ZNF717: variants seen among roughly 807,000 people sequenced by gnomAD.
The protein encoded by ZNF717 is zinc finger protein 717.
In ZNF717, 9 loss-of-function variants were observed where a neutral mutation model predicts 13.8. The ratio of observed to expected loss-of-function variants is 0.65; its 90% CI spans 0.39 to 1.14. The LOEUF is 1.14. Among genes scored for constraint, ZNF717 ranks in the 50% most tolerant of loss-of-function variants. The pLI, the probability that ZNF717 is intolerant of heterozygous loss-of-function variation, is 0.01. For synonymous variants in ZNF717, 327 were observed against 364.1 expected (o/e 0.90, Z 1.16); for missense variants, 1,040 against 1,080.7 (o/e 0.96, Z 0.53).
intron 2 of ZNF717, among the ~76,000 whole-genome samples, chr3:75,781,609 C>T (rs976686543): frequency 5.6e-4 from 86 of 152,266 alleles, no homozygotes; most frequent in African/African-American, 2.0e-3. Context: ...CTGAGAAAAC[C>T]GGACAAACTC....
At chr3:75,778,743 C>T (rs1294208715) in intron 2 of ZNF717, among the ~76,000 whole-genome samples, 2 of 148,768 alleles carry the variant, frequency 1.3e-5, no homozygotes, top group Admixed American at 6.7e-5. Flanking sequence ...GTGCAAAACC[C>T]GTAAACCAAA....
At chr3:75,724,235 A>G (rs1213516454) in intron 4 of ZNF717, among the ~76,000 whole-genome samples, 6 of 151,614 alleles carry the variant, frequency 4.0e-5, no homozygotes, top group South Asian at 2.1e-4. Flanking sequence ...CTGGGCCACT[A>G]CTAGTCTCCA....
chr3:75,777,638 G>C (rs1380900225), intron 2 of ZNF717, among the ~76,000 whole-genome samples: 3 of 151,740 alleles, frequency 2.0e-5, no homozygotes, highest in African/African-American at 7.3e-5. Context: ...CAAAAAAATG[G>C]GAGTGATATG....
chr3:75,746,313 G>A (rs1163395520), intron 2 of ZNF717, among the ~76,000 whole-genome samples: 1 of 152,118 alleles, frequency 6.6e-6, no homozygotes, highest in East Asian at 1.9e-4. Context: ...CCAAGTCTTT[G>A]CTATTGTGAG....
At chr3:75,706,107 A>G (rs1381719112), downstream of ZNF717, among the ~76,000 whole-genome samples, 4 of 152,302 alleles carry the variant, frequency 2.6e-5, no homozygotes, top group African/African-American at 9.6e-5. Flanking sequence ...GAGAGAAAAA[A>G]TTACAATCAT....
At chr3:75,694,955 CAAAT>C (rs1284422583) in intron 6 of ZNF717, among the ~76,000 whole-genome samples, 1 of 151,932 alleles carries the variant, frequency 6.6e-6, no homozygotes, top group Non-Finnish European at 1.5e-5. Context: ...AATCAGAAAA[CAAAT>C]AACAAAATGG....
At chr3:75,759,454 T>G (rs1488454956) in intron 2 of ZNF717, among the ~76,000 whole-genome samples, 1 of 152,132 alleles carries the variant, frequency 6.6e-6, no homozygotes, top group African/African-American at 2.4e-5. Context: ...TTTTTCTATT[T>G]TTAGTAGATA....
chr3:75,739,536 A>C (rs1340466006), intron 4 of ZNF717, among the ~76,000 whole-genome samples, 191 bp from the exon 5 acceptor site: 1 of 152,186 alleles, frequency 6.6e-6, no homozygotes, highest in Non-Finnish European at 1.5e-5. Context: ...ATATTTTCTA[A>C]TGTTCAATTG....
chr3:75,716,764 TTTGGG>T (rs1161260839), intron 4 of ZNF717, among the ~76,000 whole-genome samples: 3 of 152,140 alleles, frequency 2.0e-5, no homozygotes, highest in Non-Finnish European at 2.9e-5. Flanking sequence ...TCTGTGGGCT[TTTGGG>T]TTAAAGGACC....
At chr3:75,744,086 A>G (rs1177413616) in intron 2 of ZNF717, among the ~76,000 whole-genome samples, 2 of 152,384 alleles carry the variant, frequency 1.3e-5, no homozygotes, top group African/African-American at 4.8e-5. Flanking sequence ...AAACACTAAC[A>G]TTTACACAGG....
At chr3:75,764,319 C>A (rs191969902) in intron 2 of ZNF717, among the ~76,000 whole-genome samples, 273 of 152,308 alleles carry the variant, frequency 1.8e-3, no homozygotes, top group African/African-American at 5.9e-3. Context: ...TTTTTCCCAG[C>A]AGTTCCCAGG....
At chr3:75,766,649 T>C (rs945883565) in intron 2 of ZNF717, among the ~76,000 whole-genome samples, 1 of 152,178 alleles carries the variant, frequency 6.6e-6, no homozygotes, top group African/African-American at 2.4e-5. Flanking sequence ...AATAAAAAAA[T>C]AGGGAAAATA....
intron 2 of ZNF717, among the ~76,000 whole-genome samples, chr3:75,742,613 CACTTTAAT>C (rs1444943712): frequency 6.6e-6 from 1 of 152,176 alleles, no homozygotes; most frequent in East Asian, 1.9e-4. Context: ...GAACACACAC[CACTTTAAT>C]GGAACTCTGG....
chr3:75,781,803 C>A (rs532524832), intron 2 of ZNF717, among the ~76,000 whole-genome samples: 149 of 152,294 alleles, frequency 9.8e-4, no homozygotes, highest in Admixed American at 1.8e-3. Context: ...AAAGCCCGCA[C>A]ATTTGTCCGG....
At chr3:75,724,194 T>C (rs1324814912) in intron 4 of ZNF717, among the ~76,000 whole-genome samples, 1 of 151,984 alleles carries the variant, frequency 6.6e-6, no homozygotes, top group African/African-American at 2.4e-5. Flanking sequence ...CCTTGCCTTG[T>C]ATCCAAAAAA....
chr3:75,754,369 T>A (rs568371530), intron 2 of ZNF717, among the ~76,000 whole-genome samples: 1 of 150,848 alleles, frequency 6.6e-6, no homozygotes, highest in South Asian at 2.1e-4. Context: ...TAAAAAAAAA[T>A]ACAATTTGTA....
intron 2 of ZNF717, among the ~76,000 whole-genome samples, chr3:75,744,821 GA>G (rs1378089036): frequency 9.9e-5 from 15 of 152,212 alleles, no homozygotes; most frequent in African/African-American, 3.6e-4. Flanking sequence ...GTCCACAGGA[GA>G]AACTACTTAA....
At chr3:75,776,927 A>C (rs1358349176) in intron 2 of ZNF717, among the ~76,000 whole-genome samples, 1 of 152,218 alleles carries the variant, frequency 6.6e-6, no homozygotes, top group African/African-American at 2.4e-5. Context: ...TAAGCAAGTA[A>C]ACTCTTTATC....
At position 75,778,685 on chromosome 3, in the gene ZNF717, C is replaced by G; in HGVS notation, c.57+4621G>C. Among the ~76,000 whole-genome samples, 2 of 151,650 alleles carry G rather than the reference C, an allele frequency of 1.3e-5. 1 individual carries two copies. The highest frequency in any genetic ancestry group is 3.9e-4 in the East Asian group (2 of 5,160). On this transcript the variant is annotated intron_variant, in intron 2 of 4. Transcript: ENST00000652011. ...GACGTGCTAAACCAAAAACCCAAAA[C>G]AATGGGAGTGACGTGCTAAAACCGG...
Sources: allele counts gnomAD v4.1 joint callset (sites outside exome capture counted in the v4.1 genomes callset), GRCh38; gene constraint gnomAD v4.1.1; transcripts MANE v1.5; gene names NCBI Gene and HGNC (gene_info 2026-07-23, HGNC 2026-07-21).